The following GMDS variants were observed in gnomAD, a reference collection of about 807,000 sequenced individuals.
GMDS encodes GDP-mannose 4,6 dehydratase.
Under a neutral mutation model 49.9 loss-of-function variants are expected in GMDS, and 20 were observed. The observed-to-expected ratio is 0.40, with a 90% CI of 0.28 to 0.58. The LOEUF is 0.58. Ranked by LOEUF, GMDS falls within the 20% of genes least tolerant of loss-of-function variation. GMDS has a pLI of 0.42. For synonymous variants in GMDS, 177 were observed against 178.6 expected, an observed-to-expected ratio of 0.99 and a Z score of 0.07; for missense variants, 362 against 481.4, an observed-to-expected ratio of 0.75 and a Z score of 2.32.
chr6:1,685,644 A>C (rs1339504487), intron 9 of GMDS, among the ~76,000 whole-genome samples: 1 of 152,110 alleles, frequency 6.6e-6, no homozygotes, highest in Non-Finnish European at 1.5e-5. Context: ...ATGGGTGTCC[A>C]TCCTCCCCCA....
chr6:1,634,500 T>G (rs962939598), intron 9 of GMDS, among the ~76,000 whole-genome samples: 5 of 152,234 alleles, frequency 3.3e-5, no homozygotes, highest in Non-Finnish European at 5.9e-5. Context: ...CTTGTGTGTA[T>G]GTGTTTTTCT....
chr6:1,708,082 C>G (rs998648647), intron 9 of GMDS, among the ~76,000 whole-genome samples: 1 of 152,118 alleles, frequency 6.6e-6, no homozygotes, highest in Non-Finnish European at 1.5e-5. Flanking sequence ...AGCACTCATC[C>G]GATTTTAATG....
rs1771993154 is a variant in GMDS at position 2,071,462 on chromosome 6, G to A, written c.345+44309C>T. 2.0e-5 allele frequency among the ~76,000 whole-genome samples: 3 copies of A among 151,810 alleles called. No individual in the cohort carries two copies. In the South Asian group the frequency reaches 6.2e-4, roughly 32 times the overall value. ...TGACGTACTAGATAATAAATTTCTTGAGAACAAAGACAATGCTGTACACAT... is the reference window on the plus strand; with the variant it reads ...TGACGTACTAGATAATAAATTTCTTAAGAACAAAGACAATGCTGTACACAT... On this transcript the variant is annotated intron_variant, in intron 4 of 10. Coordinates refer to ENST00000380815, the MANE Select transcript of GMDS (RefSeq NM_001500.4).
At chr6:2,078,479 C>A (rs1256141806) in intron 4 of GMDS, among the ~76,000 whole-genome samples, 1 of 151,946 alleles carries the variant, frequency 6.6e-6, no homozygotes, top group Non-Finnish European at 1.5e-5. Flanking sequence ...CACTTTCATT[C>A]GTTTCAAGAA....
intron 1 of GMDS, among the ~76,000 whole-genome samples, chr6:2,148,606 GCAGGTGTTTCAC>G (rs1581713889): frequency 6.6e-6 from 1 of 152,114 alleles, no homozygotes; most frequent in African/African-American, 2.4e-5. Flanking sequence ...TATTAGTAGA[GCAGGTGTTTCAC>G]CATGTTGGCC....
chr6:1,631,697 A>G (rs1221480793), intron 9 of GMDS, among the ~76,000 whole-genome samples: 1 of 151,874 alleles, frequency 6.6e-6, no homozygotes, highest in East Asian at 1.9e-4. Context: ...AATATAAATA[A>G]CGTAACAGGG....
chr6:2,240,260 C>A (rs1781551775), intron 1 of GMDS, among the ~76,000 whole-genome samples: 1 of 152,180 alleles, frequency 6.6e-6, no homozygotes, highest in South Asian at 2.1e-4. Context: ...ATAGTAATAC[C>A]TCCCACATTC....
At chr6:2,041,531 C>T (rs908515520) in intron 4 of GMDS, among the ~76,000 whole-genome samples, 7 of 152,186 alleles carry the variant, frequency 4.6e-5, no homozygotes, top group South Asian at 2.1e-4. Flanking sequence ...TGAACTGTTT[C>T]GACTTTTAAA....
At chr6:1,972,262 GT>G (rs5873825) in intron 4 of GMDS, among the ~76,000 whole-genome samples, 6,940 of 133,630 alleles carry the variant, frequency 0.052, 479 homozygotes, top group African/African-American at 0.17. Flanking sequence ...CTGGGTTTTT[GT>G]TTTTTTTTTT....
intron 2 of GMDS, among the ~76,000 whole-genome samples, chr6:2,118,323 T>C (rs558687933): frequency 5.2e-4 from 79 of 152,318 alleles, no homozygotes; most frequent in Middle Eastern, 3.4e-3. Flanking sequence ...TCATGTCAGA[T>C]TGCTCCCTTT....
At chr6:2,155,883 A>AT (rs1777089253) in intron 1 of GMDS, among the ~76,000 whole-genome samples, 1 of 152,200 alleles carries the variant, frequency 6.6e-6, no homozygotes, top group Admixed American at 6.5e-5. Flanking sequence ...ATGAAACCAG[A>AT]TACAACAGCC....
At chr6:1,884,818 G>C (rs1007938395) in intron 7 of GMDS, among the ~76,000 whole-genome samples, 5 of 152,206 alleles carry the variant, frequency 3.3e-5, no homozygotes, top group African/African-American at 1.2e-4. Context: ...GGTGCCCTGA[G>C]CTGCGCGACC....
At position 1,930,159 on chromosome 6, in the gene GMDS, T is replaced by A; in HGVS notation, c.715A>T (p.Ser239Cys). Residue 239 changes from serine to cysteine, a missense_variant, in exon 7 of 11, where the codon AGT (serine) becomes TGT (cysteine). Coordinates refer to ENST00000380815, the MANE Select transcript of GMDS (RefSeq NM_001500.4). ...CGTTTGGCATCCAGATTTCCCAAACTGAAACATTCCAGTTGTCCAAGGTAA... is the reference window on the plus strand; with the variant it reads ...CGTTTGGCATCCAGATTTCCCAAACAGAAACATTCCAGTTGTCCAAGGTAA... ...KIYLGQLECF[S>C]LGNLDAKRDW... is the part of the protein sequence containing the mutation. 3 of 1,612,980 alleles carry A rather than the reference T, an allele frequency of 1.9e-6. No individual in the cohort carries two copies. Among genetic ancestry groups the A allele is most frequent in the Non-Finnish European group, 2.5e-6 (3 of 1,179,130 alleles).
chr6:1,963,345 G>A (rs1764076336), intron 4 of GMDS, among the ~76,000 whole-genome samples: 1 of 152,208 alleles, frequency 6.6e-6, no homozygotes, highest in South Asian at 2.1e-4. Flanking sequence ...GTGGTACAGT[G>A]CTGGGCTAAT....
chr6:2,070,731 G>A (rs142239215), intron 4 of GMDS, among the ~76,000 whole-genome samples: 2 of 152,214 alleles, frequency 1.3e-5, no homozygotes, highest in East Asian at 1.9e-4. Flanking sequence ...GTCCCAGGAC[G>A]TCCTCACCCA....
At chr6:1,748,313 C>T (rs1767594622) in intron 7 of GMDS, among the ~76,000 whole-genome samples, 1 of 152,072 alleles carries the variant, frequency 6.6e-6, no homozygotes, top group African/African-American at 2.4e-5. Flanking sequence ...CTTATCTCTT[C>T]TATTCAATTT....
chr6:1,914,411 G>A (rs1761263937), intron 7 of GMDS, among the ~76,000 whole-genome samples: 1 of 149,306 alleles, frequency 6.7e-6, no homozygotes, highest in Admixed American at 6.6e-5. Context: ...AGCTTAAAGT[G>A]AGCCGAGATC....
intron 7 of GMDS, among the ~76,000 whole-genome samples, chr6:1,835,508 T>G (rs916753434): frequency 2.0e-5 from 3 of 152,234 alleles, no homozygotes; most frequent in African/African-American, 7.2e-5. Context: ...GAAGGAGATA[T>G]GTCACTATAA....
chr6:1,730,347 T>A (rs1033921332), intron 8 of GMDS, among the ~76,000 whole-genome samples: 2 of 152,122 alleles, frequency 1.3e-5, no homozygotes, highest in African/African-American at 4.8e-5. Context: ...AGCAGATGGA[T>A]GAGTGTTAAA....
Sources: allele counts gnomAD v4.1 joint callset (sites outside exome capture counted in the v4.1 genomes callset), GRCh38; gene constraint gnomAD v4.1.1; transcripts MANE v1.5; gene names NCBI Gene and HGNC (gene_info 2026-07-23, HGNC 2026-07-21).